CNTNAP2: variants seen among roughly 807,000 people sequenced by gnomAD.
CNTNAP2 encodes the protein contactin associated protein 2.
In CNTNAP2, 98 loss-of-function variants were observed where a neutral mutation model predicts 155.2. The observed-to-expected ratio is 0.63, with a 90% confidence interval of 0.54 to 0.75. CNTNAP2 has a LOEUF of 0.75. CNTNAP2 is among the 30% of genes least tolerant of loss of function. The pLI is 0.00. For synonymous variants in CNTNAP2, 651 were observed against 631.2 expected (o/e 1.03, Z -0.47); for missense variants, 1,727 against 1,688.1 (o/e 1.02, Z -0.40).
At chr7:147,159,054 T>G (rs369388420) in intron 8 of CNTNAP2, among the ~76,000 whole-genome samples, 10 of 152,026 alleles carry the variant, frequency 6.6e-5, no homozygotes, top group African/African-American at 1.9e-4. Flanking sequence ...GGTTCTTGAT[T>G]TGGGCAAGAG....
intron 13 of CNTNAP2, among the ~76,000 whole-genome samples, chr7:147,880,403 G>A (rs796234958): frequency 5.9e-5 from 9 of 152,298 alleles, no homozygotes; most frequent in African/African-American, 1.9e-4. Flanking sequence ...AATTGGGCTT[G>A]AGATACCTAA....
At chr7:146,489,217 T>A (rs2129130748) in intron 1 of CNTNAP2, among the ~76,000 whole-genome samples, 1 of 152,306 alleles carries the variant, frequency 6.6e-6, no homozygotes, top group African/African-American at 2.4e-5. Context: ...AATGTATCAA[T>A]TTTTAAAAGT....
chr7:146,338,105 A>G (rs1801310622), intron 1 of CNTNAP2, among the ~76,000 whole-genome samples: 3 of 152,180 alleles, frequency 2.0e-5, no homozygotes, highest in African/African-American at 7.2e-5. Context: ...ATGGATATAC[A>G]GATATATGGG....
At chr7:148,112,868 T>A (rs73744747) in intron 15 of CNTNAP2, among the ~76,000 whole-genome samples, 12,824 of 149,930 alleles carry the variant, frequency 0.086, 1,165 homozygotes, top group African/African-American at 0.23. Context: ...TTTTTTTTTT[T>A]AAAAAAAAAT....
intron 9 of CNTNAP2, among the ~76,000 whole-genome samples, chr7:147,375,409 A>T (rs902648719): frequency 6.6e-6 from 1 of 151,818 alleles, no homozygotes. Flanking sequence ...TGCCATTTTC[A>T]CCCCGACACA....
At chr7:146,957,952 A>G (rs572098737) in intron 3 of CNTNAP2, among the ~76,000 whole-genome samples, 1 of 152,220 alleles carries the variant, frequency 6.6e-6, no homozygotes, top group Non-Finnish European at 1.5e-5. Flanking sequence ...CAATGAAACT[A>G]TCAAGAATGA....
intron 21 of CNTNAP2, among the ~76,000 whole-genome samples, chr7:148,357,081 C>T (rs1482571182): frequency 1.3e-5 from 2 of 152,022 alleles, no homozygotes; most frequent in Non-Finnish European, 2.9e-5. Flanking sequence ...TGACTGTGTC[C>T]CCACCCAAAT....
intron 1 of CNTNAP2, among the ~76,000 whole-genome samples, chr7:146,519,335 A>T (rs1797584645): frequency 6.6e-6 from 1 of 151,906 alleles, no homozygotes. Context: ...GCTTGAGAAG[A>T]GGGAACAGAT....
chr7:147,102,878 A>G (rs1800684227), intron 4 of CNTNAP2, among the ~76,000 whole-genome samples: 1 of 152,204 alleles, frequency 6.6e-6, no homozygotes, highest in Admixed American at 6.5e-5. Context: ...TGTCTGTTCT[A>G]GGACTGAGTC....
At chr7:147,030,868 C>T (rs890488207) in intron 3 of CNTNAP2, among the ~76,000 whole-genome samples, 10 of 152,006 alleles carry the variant, frequency 6.6e-5, no homozygotes, top group African/African-American at 9.7e-5. Context: ...TGGGCTACAG[C>T]GCAAGACCCT....
At chr7:146,306,074 A>T (rs1800706585) in intron 1 of CNTNAP2, among the ~76,000 whole-genome samples, 1 of 152,104 alleles carries the variant, frequency 6.6e-6, no homozygotes, top group Admixed American at 6.6e-5. Context: ...TATCACCACC[A>T]ATCCCACAGA....
rs573223372 is a variant in CNTNAP2 at position 146,664,787 on chromosome 7, A to G, written c.98-109484A>G. ...TGAACCTCAAGTTTACTTTTTTGCA[A>G]GAAGTTAAACCAATAATTTATTTTT... On this transcript the variant is annotated intron_variant, in intron 1 of 23. Transcript: ENST00000361727. Among the ~76,000 whole-genome samples the G allele has an allele frequency of 3.3e-5, 5 of 152,322 alleles. No individual in the cohort carries two copies. In the South Asian group the frequency reaches 1.0e-3, roughly 32 times the overall value.
intron 13 of CNTNAP2, among the ~76,000 whole-genome samples, chr7:147,770,292 C>A (rs1287911212): frequency 6.6e-6 from 1 of 152,084 alleles, no homozygotes; most frequent in Non-Finnish European, 1.5e-5. Context: ...AAAATTATTT[C>A]CTTGCCTAAA....
intron 13 of CNTNAP2, among the ~76,000 whole-genome samples, chr7:147,858,432 T>G (rs1037697780): frequency 2.0e-5 from 3 of 152,248 alleles, no homozygotes; most frequent in African/African-American, 7.2e-5. Flanking sequence ...AGCTTTCCAG[T>G]GCTAAAGCTT....
At chr7:147,052,353 A>C (rs1170070739) in intron 4 of CNTNAP2, among the ~76,000 whole-genome samples, 1 of 152,156 alleles carries the variant, frequency 6.6e-6, no homozygotes, top group Non-Finnish European at 1.5e-5. Flanking sequence ...CCCTGTACAC[A>C]ATAAATGTTT....
chr7:147,110,185 A>G (rs1317401478), intron 5 of CNTNAP2, among the ~76,000 whole-genome samples: 2 of 152,108 alleles, frequency 1.3e-5, no homozygotes, highest in Non-Finnish European at 2.9e-5. Context: ...TTGGCCTTCC[A>G]AAGTGCTGGG....
chr7:146,200,625 C>CTA (rs1370577914), intron 1 of CNTNAP2, among the ~76,000 whole-genome samples: 2 of 152,076 alleles, frequency 1.3e-5, no homozygotes, highest in African/African-American at 4.8e-5. Flanking sequence ...TTACAATTCT[C>CTA]TACAGTATCC....
chr7:148,203,702 G>A (rs1010948202), intron 18 of CNTNAP2, among the ~76,000 whole-genome samples: 3 of 152,058 alleles, frequency 2.0e-5, no homozygotes, highest in Non-Finnish European at 4.4e-5. Context: ...CCAAGGTCGT[G>A]TACTCCAGCC....
chr7:146,913,964 C>G (rs925898802), intron 3 of CNTNAP2, among the ~76,000 whole-genome samples: 10 of 152,024 alleles, frequency 6.6e-5, no homozygotes, highest in Non-Finnish European at 7.4e-5. Context: ...CCTTTGCATC[C>G]TCACAGCTTA....
Sources: gnomAD v4.1 joint callset for allele counts (sites outside exome capture counted in the v4.1 genomes callset) on GRCh38, gnomAD v4.1.1 for gene constraint, MANE v1.5 for transcripts, NCBI Gene and HGNC (gene_info 2026-07-23, HGNC 2026-07-21) for gene names.